The following WAPL variants were observed in gnomAD, a reference collection of about 807,000 sequenced individuals.
The protein encoded by WAPL is WAPL cohesin release factor.
WAPL carries 5 observed loss-of-function variants against 121.0 expected under a neutral mutation model. The ratio of observed to expected loss-of-function variants is 0.04; its 90% CI spans 0.02 to 0.09. WAPL has a LOEUF of 0.09. WAPL is among the 10% of genes least tolerant of loss of function. The pLI, the probability that WAPL is intolerant of heterozygous loss-of-function variation, is 1.00. For missense variants in WAPL, 999 were observed against 1,410.8 expected (o/e 0.71, Z 4.68); for synonymous variants, 480 against 481.5 (o/e 1.00, Z 0.04).
At chr10:86,452,653 A>C (rs1021708098) in intron 14 of WAPL, among the ~76,000 whole-genome samples, 2 of 152,108 alleles carry the variant, frequency 1.3e-5, no homozygotes, top group Non-Finnish European at 2.9e-5. Flanking sequence ...GATTTTCCCA[A>C]AGAATCATTC....
chr10:86,468,716 C>A (rs1029917983), intron 8 of WAPL, among the ~76,000 whole-genome samples: 6 of 151,986 alleles, frequency 3.9e-5, no homozygotes, highest in African/African-American at 1.4e-4. Flanking sequence ...GTAATCCCAG[C>A]ACTTTGGGAG....
chr10:86,475,053 T>A (rs1252365878), intron 4 of WAPL, among the ~76,000 whole-genome samples: 1 of 152,186 alleles, frequency 6.6e-6, no homozygotes, highest in Non-Finnish European at 1.5e-5. Context: ...AGATGTAAAG[T>A]CCCTCACACA....
Position 86,512,225 on chromosome 10 carries a change from A to G in WAPL, c.499+5346T>C, listed in dbSNP as rs73335602. On this transcript the variant is annotated intron_variant, in intron 2 of 18. Transcript: ENST00000298767. ...CCTTCAGTTCTAAATCCAAGTTCAA[A>G]ATCTCCTGACAATACCATCCCTCTA... 8.1e-3 allele frequency among the ~76,000 whole-genome samples: 1,237 copies of G among 152,326 alleles called. 19 individuals carry two copies. The highest frequency in any genetic ancestry group is 0.029 in the African/African-American group (1,195 of 41,572).
At chr10:86,519,670 C>G (rs1486388993) in intron 1 of WAPL, among the ~76,000 whole-genome samples, 2 of 152,130 alleles carry the variant, frequency 1.3e-5, no homozygotes, top group African/African-American at 4.8e-5. Flanking sequence ...ACAGCCTAAA[C>G]AAAACAGGAT....
At chr10:86,450,021 A>G (rs570832673) in intron 15 of WAPL, among the ~76,000 whole-genome samples, 2 of 152,330 alleles carry the variant, frequency 1.3e-5, no homozygotes, top group African/African-American at 2.4e-5. Context: ...GTGAAACTGA[A>G]TAAGGTCTAA....
chr10:86,458,643 T>A (rs1032572339), intron 12 of WAPL, among the ~76,000 whole-genome samples: 4 of 152,220 alleles, frequency 2.6e-5, no homozygotes, highest in Non-Finnish European at 5.9e-5. Context: ...CACATATTTT[T>A]AAATATCTAC....
chr10:86,515,473 T>C (rs1197226382), intron 2 of WAPL, among the ~76,000 whole-genome samples: 5 of 152,066 alleles, frequency 3.3e-5, no homozygotes, highest in African/African-American at 1.2e-4. Flanking sequence ...TGAGTTAAAA[T>C]TCATTTTAGT....
Position 86,521,654 on chromosome 10 carries a change from G to T in WAPL, c.-312C>A. On this transcript the variant is annotated 5_prime_UTR_variant, in exon 1 of 19. Transcript: ENST00000298767. ...CAGAGCCTGCTGTGTGCCCCCGCTGGGCCGCCGCCGCCTCCTGCGCCGCCG... is the reference window on the plus strand; with the variant it reads ...CAGAGCCTGCTGTGTGCCCCCGCTGTGCCGCCGCCGCCTCCTGCGCCGCCG... The T allele has an allele frequency of 2.2e-6, 1 of 462,348 alleles. No individual in the cohort carries two copies. The highest frequency in any genetic ancestry group is 4.5e-6 in the Non-Finnish European group (1 of 224,010). The allele number at this position is 462,348 out of a possible 1,614,324, so 28.6% of individuals were successfully genotyped here.
At position 86,472,681 on chromosome 10, in the gene WAPL, A is replaced by C. The variant is rs751238877; in HGVS notation, c.1824T>G (p.Thr608=). Residue 608 remains threonine, a synonymous_variant, in exon 6 of 19, where the codon ACT becomes ACG. Coordinates refer to ENST00000298767, the MANE Select transcript of WAPL (RefSeq NM_015045.5). This position sits in a 1 kb window ranked among gnomAD's most constrained non-coding sequence, Gnocchi z 4.2. ...APAPPSKVIK[T]VTIPTQPYQD... Reference sequence around the variant, plus strand: ...GGTAGGGCTGAGTAGGTATTGTCACAGTTTTTATCACTTTGGATGGTGGTG... The same window carrying C: ...GGTAGGGCTGAGTAGGTATTGTCACCGTTTTTATCACTTTGGATGGTGGTG... The C allele has an allele frequency of 1.2e-6, 2 of 1,613,954 alleles. No individual in the cohort carries two copies. The highest frequency in any genetic ancestry group is 1.7e-6 in the Non-Finnish European group (2 of 1,179,912).
intron 17 of WAPL, among the ~76,000 whole-genome samples, chr10:86,438,651 G>A (rs1170889778): frequency 6.6e-6 from 1 of 152,320 alleles, no homozygotes; most frequent in South Asian, 2.1e-4. Flanking sequence ...TAGGAGAAGA[G>A]GGTGAGGACT....
At chr10:86,495,350 C>G (rs1364734684) in intron 4 of WAPL, among the ~76,000 whole-genome samples, 1 of 151,924 alleles carries the variant, frequency 6.6e-6, no homozygotes, top group African/African-American at 2.4e-5. Flanking sequence ...GCCTGTAGTC[C>G]CAGCTATTTA....
chr10:86,437,786 G>T, intron 18 of WAPL, 134 bp downstream of exon 18: 1 of 958,384 alleles, frequency 1.0e-6, no homozygotes, highest in Non-Finnish European at 1.5e-6. Context: ...TTACCTTGAA[G>T]AAATAGAACA....
intron 7 of WAPL, among the ~76,000 whole-genome samples, chr10:86,471,349 C>G (rs1414019191): frequency 1.3e-5 from 2 of 152,138 alleles, no homozygotes; most frequent in African/African-American, 4.8e-5. Context: ...CCTTACGTTA[C>G]TACTACCACC....
At chr10:86,508,758 CTTTT>C (rs34530024) in intron 2 of WAPL, among the ~76,000 whole-genome samples, 1 of 116,782 alleles carries the variant, frequency 8.6e-6, no homozygotes, top group Non-Finnish European at 1.6e-5. Context: ...ATTGAAAGTT[CTTTT>C]TTTTTTTTTT....
intron 4 of WAPL, among the ~76,000 whole-genome samples, chr10:86,494,911 G>A (rs1015844904): frequency 3.9e-5 from 6 of 152,158 alleles, no homozygotes; most frequent in Non-Finnish European, 7.4e-5. Flanking sequence ...ACGTATCACT[G>A]TGAAGTCATA....
At chr10:86,459,279 C>T (rs1359655219) in intron 11 of WAPL, among the ~76,000 whole-genome samples, 1 of 152,162 alleles carries the variant, frequency 6.6e-6, no homozygotes, top group Non-Finnish European at 1.5e-5. Flanking sequence ...TATATTCATT[C>T]ATAATTAACA....
At chr10:86,445,503 T>A (rs1270287294) in intron 16 of WAPL, among the ~76,000 whole-genome samples, 1 of 151,586 alleles carries the variant, frequency 6.6e-6, no homozygotes, top group Non-Finnish European at 1.5e-5. Context: ...AATGTATGAT[T>A]AGCGAAGATA....
intron 15 of WAPL, among the ~76,000 whole-genome samples, chr10:86,451,144 T>C (rs1360525163): frequency 6.6e-6 from 1 of 152,090 alleles, no homozygotes; most frequent in African/African-American, 2.4e-5. Context: ...GCTCACTATG[T>C]TGCCCAGGCT....
chr10:86,490,614 A>AT (rs1251971723), intron 4 of WAPL, among the ~76,000 whole-genome samples: 1 of 152,248 alleles, frequency 6.6e-6, no homozygotes, highest in Non-Finnish European at 1.5e-5. Context: ...ACACAGTACC[A>AT]TAACTGTTCA....
Sources: allele counts gnomAD v4.1 joint callset (sites outside exome capture counted in the v4.1 genomes callset), GRCh38; gene constraint gnomAD v4.1.1; non-coding constraint Gnocchi (gnomAD v3.1); transcripts MANE v1.5; gene names NCBI Gene and HGNC (gene_info 2026-07-23, HGNC 2026-07-21).